Variants in ADAMTS3 observed in about 807,000 individuals in gnomAD.
The protein encoded by ADAMTS3 is A disintegrin and metalloproteinase with thrombospondin motifs 3.
A neutral mutation model predicts 129.0 loss-of-function variants in ADAMTS3; 73 were observed. The observed-to-expected ratio is 0.57, with a 90% CI of 0.47 to 0.69. ADAMTS3 has a LOEUF of 0.69. ADAMTS3 is among the 30% of genes least tolerant of loss of function. The pLI is 0.00. For missense variants in ADAMTS3, 1,457 were observed against 1,514.5 expected, an observed-to-expected ratio of 0.96 and a Z score of 0.63; for synonymous variants, 477 against 510.8, an observed-to-expected ratio of 0.93 and a Z score of 0.89.
At chr4:72,388,507 G>T (rs1163232638) in intron 4 of ADAMTS3, among the ~76,000 whole-genome samples, 1 of 152,148 alleles carries the variant, frequency 6.6e-6, no homozygotes, top group Non-Finnish European at 1.5e-5. Flanking sequence ...TCTCCAGTGT[G>T]CCCCAGTAGC....
Position 72,339,604 on chromosome 4 carries a change from CGT to C in ADAMTS3, c.749_750del (p.His250ArgfsTer16). 6.2e-7 allele frequency: 1 copy of C among 1,613,910 alleles called. No homozygotes were observed. Among genetic ancestry groups the C allele is most frequent in the Non-Finnish European group, 8.5e-7 (1 of 1,179,900 alleles). ...TCGATATTGTAATCGTTTTCTCCCG[CGT>C]GTCTGCGGCGTCTCATTGTTTCATT... ...QLNETMRRRRHAGENDYNIEV... is the reference protein window; with the variant it reads ...QLNETMRRRRXAGENDYNIEV... On this transcript the variant is annotated frameshift_variant, in exon 5 of 22. Coordinates refer to ENST00000286657, the MANE Select transcript of ADAMTS3 (RefSeq NM_014243.3). LOFTEE classifies it high-confidence loss of function.
intron 2 of ADAMTS3, among the ~76,000 whole-genome samples, chr4:72,557,883 T>C (rs572400854): frequency 3.2e-4 from 49 of 151,988 alleles, no homozygotes; most frequent in Middle Eastern, 3.4e-3. Flanking sequence ...GAAGCCCAAA[T>C]GCCAAAATTT....
chr4:72,345,335 T>C (rs1720252263), intron 4 of ADAMTS3, among the ~76,000 whole-genome samples: 1 of 152,180 alleles, frequency 6.6e-6, no homozygotes, highest in Non-Finnish European at 1.5e-5. Flanking sequence ...ATGTCATCTA[T>C]TAACATCAGA....
intron 2 of ADAMTS3, among the ~76,000 whole-genome samples, chr4:72,565,959 G>T (rs2109811082): frequency 6.6e-6 from 1 of 152,086 alleles, no homozygotes; most frequent in East Asian, 1.9e-4. Flanking sequence ...TGAAAAGTTG[G>T]GACGTGTAAG....
intron 3 of ADAMTS3, among the ~76,000 whole-genome samples, chr4:72,514,734 C>T (rs1372661381): frequency 6.6e-6 from 1 of 151,920 alleles, no homozygotes; most frequent in African/African-American, 2.4e-5. Flanking sequence ...ACAGACAAAC[C>T]TCAAGGGTAA....
At chr4:72,523,473 A>G (rs912536456) in intron 3 of ADAMTS3, among the ~76,000 whole-genome samples, 1 of 152,116 alleles carries the variant, frequency 6.6e-6, no homozygotes, top group Non-Finnish European at 1.5e-5. Flanking sequence ...ATGTCACTCA[A>G]ATTAAAATGA....
intron 4 of ADAMTS3, among the ~76,000 whole-genome samples, chr4:72,358,461 T>C (rs1560485391): frequency 2.0e-5 from 3 of 152,006 alleles, no homozygotes; most frequent in African/African-American, 4.8e-5. Flanking sequence ...TGTACATATA[T>C]AATATACTGC....
At chr4:72,475,763 A>C (rs1450578095) in intron 3 of ADAMTS3, among the ~76,000 whole-genome samples, 2 of 152,106 alleles carry the variant, frequency 1.3e-5, no homozygotes, top group Non-Finnish European at 2.9e-5. Context: ...CTATGAAAAA[A>C]AAACAAAATT....
chr4:72,318,722 TTGCA>T lies in ADAMTS3; in HGVS notation c.1353-22_1353-19del, dbSNP rs751227524. ...CATAGGAACTGTAGGAAGAAAAATATTGCATGTAGTTAAATGTTCACTTAAAAAA... is the reference window on the plus strand; with the variant it reads ...CATAGGAACTGTAGGAAGAAAAATATTGTAGTTAAATGTTCACTTAAAAAA... On this transcript the variant is annotated intron_variant, in intron 9 of 21. Coordinates refer to ENST00000286657, the MANE Select transcript of ADAMTS3 (RefSeq NM_014243.3). The T allele has an allele frequency of 4.4e-6, 7 of 1,607,312 alleles. No homozygotes were observed. The South Asian group carries it at 7.8e-5, about 18-fold the overall frequency.
chr4:72,307,637 G>A (rs1053658681), intron 15 of ADAMTS3, among the ~76,000 whole-genome samples: 1 of 151,956 alleles, frequency 6.6e-6, no homozygotes, highest in African/African-American at 2.4e-5. Context: ...AAGTCACAAT[G>A]CATTTGTAAT....
In ADAMTS3 at chr4:72,307,594, G is replaced by C. The variant is rs151187849; in HGVS notation, c.2180-1527C>G. 4.2e-3 allele frequency among the ~76,000 whole-genome samples: 633 copies of C among 152,100 alleles called. 15 individuals carry two copies. Among genetic ancestry groups the C allele is most frequent in the Admixed American group, 0.025 (379 of 15,250 alleles). ...ATAAGTCACATATTTTATTAGGCAA[G>C]TTATAAAATATGTTCTGTAAGTTTA... is the stretch of plus-strand genomic sequence containing the variant. On this transcript the variant is annotated intron_variant, in intron 15 of 21. Coordinates refer to ENST00000286657, the MANE Select transcript of ADAMTS3 (RefSeq NM_014243.3).
chr4:72,503,984 G>A (rs531045271), intron 3 of ADAMTS3, among the ~76,000 whole-genome samples: 20 of 152,114 alleles, frequency 1.3e-4, no homozygotes, highest in Non-Finnish European at 2.8e-4. Context: ...TGATATTATG[G>A]ATGTCATTAT....
rs149946628 is a variant in ADAMTS3 at position 72,308,468 on chromosome 4, T to C, written c.2179+929A>G. Among the ~76,000 whole-genome samples the C allele has an allele frequency of 5.5e-3, 843 of 152,048 alleles. 3 individuals carry two copies. Among genetic ancestry groups the C allele is most frequent in the African/African-American group, 0.019 (790 of 41,532 alleles). ...ATGACAATTTACTTAACGTAAACCATATTTCTTTGTTTTTGTTTTACTTTC... is the reference window on the plus strand; with the variant it reads ...ATGACAATTTACTTAACGTAAACCACATTTCTTTGTTTTTGTTTTACTTTC... On this transcript the variant is annotated intron_variant, in intron 15 of 21. Transcript: ENST00000286657.
At chr4:72,376,962 T>C (rs781580002) in intron 4 of ADAMTS3, among the ~76,000 whole-genome samples, 3 of 152,140 alleles carry the variant, frequency 2.0e-5, no homozygotes, top group African/African-American at 7.2e-5. Flanking sequence ...TGAAGTGGCA[T>C]GAATAAACAG....
At chr4:72,522,227 G>T (rs191371401) in intron 3 of ADAMTS3, among the ~76,000 whole-genome samples, 1 of 152,162 alleles carries the variant, frequency 6.6e-6, no homozygotes, top group East Asian at 1.9e-4. Context: ...TCCCACCATT[G>T]ACCTTCTGAG....
chr4:72,283,481 A>C lies in ADAMTS3; in HGVS notation c.3273T>G (p.Pro1091=), dbSNP rs1387139103. The C allele has an allele frequency of 6.2e-7, 1 of 1,614,022 alleles. No homozygotes were observed. Among genetic ancestry groups the C allele is most frequent in the East Asian group, 2.2e-5 (1 of 44,828 alleles). Residue 1091 remains proline (P), a synonymous_variant, in exon 22 of 22, where the codon CCT becomes CCG. Transcript: ENST00000286657. The part of the protein sequence containing the change: ...RSLVMPTSLV[P]YHSETPAKKM... ...TCTTTGCAGGGGTCTCTGAATGATAAGGAACCAAAGATGTAGGCATCACTA... is the reference window on the plus strand; with the variant it reads ...TCTTTGCAGGGGTCTCTGAATGATACGGAACCAAAGATGTAGGCATCACTA...
In ADAMTS3 at chr4:72,281,170, C is replaced by G. The variant is rs1578545277; in HGVS notation, c.*1966G>C. The G allele has an allele frequency of 6.6e-6, 1 of 151,670 alleles. No homozygotes were observed. The highest frequency in any genetic ancestry group is 2.4e-5 in the African/African-American group (1 of 41,200). 9.4% of individuals were successfully genotyped at this position (151,670 alleles called of 1,614,324 possible). On this transcript the variant is annotated 3_prime_UTR_variant, in exon 22 of 22. Coordinates refer to ENST00000286657, the MANE Select transcript of ADAMTS3 (RefSeq NM_014243.3). ...CCTGTGGATGAGATGTATGCACACA[C>G]AAGTAAACTAGAGAGAATTTTATTC...
intron 3 of ADAMTS3, among the ~76,000 whole-genome samples, chr4:72,545,295 C>T (rs921432780): frequency 6.6e-6 from 1 of 152,060 alleles, no homozygotes; most frequent in Non-Finnish European, 1.5e-5. Flanking sequence ...CCTAAATAAG[C>T]ACAAACTGCC....
At chr4:72,429,526 T>C (rs797009083) in intron 3 of ADAMTS3, among the ~76,000 whole-genome samples, 1 of 152,166 alleles carries the variant, frequency 6.6e-6, no homozygotes, top group African/African-American at 2.4e-5. Context: ...TTAGACATTA[T>C]TCAAAAAAGC....
Sources: allele counts gnomAD v4.1 joint callset (sites outside exome capture counted in the v4.1 genomes callset), GRCh38; gene constraint gnomAD v4.1.1; transcripts MANE v1.5; gene names NCBI Gene and HGNC (gene_info 2026-07-23, HGNC 2026-07-21).